The following PSG11 variants were observed in gnomAD, a reference collection of about 807,000 sequenced individuals.
The protein encoded by PSG11 is pregnancy specific beta-1-glycoprotein 11, also known as pregnancy-specific beta-1-glycoprotein 11.
PSG11 carries 42 observed loss-of-function variants against 36.0 expected under a neutral mutation model. The observed-to-expected ratio is 1.17, with a 90% CI of 0.91 to 1.51. The LOEUF is 1.51. Among genes scored for constraint, PSG11 ranks in the 40% most tolerant of loss-of-function variants. PSG11 has a pLI of 0.00. For missense variants in PSG11, 558 were observed against 403.5 expected, an observed-to-expected ratio of 1.38 and a Z score of -3.28; for synonymous variants, 206 against 153.5, an observed-to-expected ratio of 1.34 and a Z score of -2.53.
intron 4 of PSG11, 93 bp downstream of exon 4, chr19:43,015,023 G>T (rs1966922322): frequency 6.2e-7 from 1 of 1,604,438 alleles, no homozygotes; most frequent in South Asian, 1.1e-5. Context: ...ATGGGACACA[G>T]GCTGGGAATA....
chr19:43,021,736 C>T (rs1441920753), intron 2 of PSG11, among the ~76,000 whole-genome samples: 1 of 151,562 alleles, frequency 6.6e-6, no homozygotes, highest in African/African-American at 2.4e-5. Context: ...TCAAGCTTGT[C>T]ATATGCCTGA....
chr19:43,021,086 C>T (rs576378761), intron 2 of PSG11, among the ~76,000 whole-genome samples: 1 of 151,430 alleles, frequency 6.6e-6, no homozygotes, highest in South Asian at 2.1e-4. Flanking sequence ...CCACCTCCAA[C>T]TAGTCCCCAA....
In PSG11 at chr19:43,007,771, ATACTT is replaced by A. The variant is rs1444970917; in HGVS notation, c.*307_*311del. 1.2e-5 allele frequency: 3 copies of A among 256,186 alleles called. No individual in the cohort carries two copies. The highest frequency in any genetic ancestry group is 4.5e-5 in the African/African-American group (2 of 44,626). 15.9% of individuals were successfully genotyped at this position (256,186 alleles called of 1,614,324 possible). ...TGTTTCAATTTTTGTTTACAAAAGTATACTTTACCAATTGCTGAAGAAAAAAATTC... is the reference window on the plus strand; with the variant it reads ...TGTTTCAATTTTTGTTTACAAAAGTATACCAATTGCTGAAGAAAAAAATTC... On this transcript the variant is annotated 3_prime_UTR_variant, in exon 6 of 6. Coordinates refer to ENST00000320078, the MANE Select transcript of PSG11 (RefSeq NM_002785.3).
At chr19:43,019,166 A>G (rs2122813707) in intron 2 of PSG11, 118 bp from the exon 3 acceptor site, 4 of 1,521,918 alleles carry the variant, frequency 2.6e-6, no homozygotes, top group African/African-American at 1.4e-5. Flanking sequence ...CTAAAAGCCC[A>G]TGGCAGGTGT....
intron 2 of PSG11, among the ~76,000 whole-genome samples, chr19:43,023,922 G>C (rs1197913047): frequency 2.0e-5 from 3 of 151,522 alleles, no homozygotes; most frequent in Admixed American, 2.0e-4. Context: ...TTATTAATTT[G>C]CTTCCATGAG....
chr19:43,024,350 C>T (rs1209525664), intron 2 of PSG11: 7 of 390,832 alleles, frequency 1.8e-5, no homozygotes, highest in Non-Finnish European at 2.7e-5. Flanking sequence ...TCAGGGGCCC[C>T]TCAGGTCAAA....
intron 1 of PSG11, 138 bp downstream of exon 1, chr19:43,026,171 G>A (rs181578738): frequency 3.7e-6 from 5 of 1,339,026 alleles, no homozygotes; most frequent in African/African-American, 1.5e-5. Flanking sequence ...TTGAACTCCT[G>A]ATCTCGTGAT....
intron 2 of PSG11, among the ~76,000 whole-genome samples, chr19:43,023,699 A>G (rs951910574): frequency 2.0e-5 from 3 of 151,164 alleles, no homozygotes; most frequent in Non-Finnish European, 2.9e-5. Flanking sequence ...GTGGCTGCAG[A>G]CAGACCTCAT....
chr19:43,025,286 A>T (rs1967216201), intron 1 of PSG11: 2 of 789,502 alleles, frequency 2.5e-6, no homozygotes, highest in Admixed American at 3.2e-5. Flanking sequence ...CATGACCCCC[A>T]TTCCTTCAAC....
At chr19:43,024,664 A>C (rs934441796) in intron 2 of PSG11, 27 bp downstream of exon 2, 2 of 1,609,158 alleles carry the variant, frequency 1.2e-6, no homozygotes, top group African/African-American at 1.3e-5. Context: ...GTCCCCCAAC[A>C]CCCAGGGATC....
rs1485796980 is a variant in PSG11, at chr19:43,022,751, G to A, written c.430+1940C>T. On this transcript the variant is annotated intron_variant, in intron 2 of 5. Coordinates refer to ENST00000320078, the MANE Select transcript of PSG11 (RefSeq NM_002785.3). ...AGCCCTTGATGGGAATACAGTGGAAGCTCATTCTCTTAGTGACCTGGGGAC... is the reference window on the plus strand; with the variant it reads ...AGCCCTTGATGGGAATACAGTGGAAACTCATTCTCTTAGTGACCTGGGGAC... Among the ~76,000 whole-genome samples, 49 of 151,252 alleles carry A rather than the reference G, an allele frequency of 3.2e-4. 1 individual carries two copies. The highest frequency in any genetic ancestry group is 5.9e-4 in the Non-Finnish European group (40 of 67,838).
intron 3 of PSG11, 193 bp downstream of exon 3, chr19:43,018,577 C>G (rs1297625395): frequency 9.0e-6 from 12 of 1,326,454 alleles, no homozygotes; most frequent in South Asian, 2.7e-5. Context: ...ATGACAGGAG[C>G]AGCCTCTTTT....
At chr19:43,021,135 T>C (rs150824984) in intron 2 of PSG11, among the ~76,000 whole-genome samples, 3 of 151,620 alleles carry the variant, frequency 2.0e-5, no homozygotes, top group African/African-American at 7.3e-5. Flanking sequence ...TTACAGCCTT[T>C]GTAGTTGTCC....
At position 43,011,740 on chromosome 19, in the gene PSG11, A is replaced by T. The variant is rs183776958; in HGVS notation, c.965-1699T>A. On this transcript the variant is annotated intron_variant, in intron 4 of 5. Coordinates refer to ENST00000320078, the MANE Select transcript of PSG11 (RefSeq NM_002785.3). ...GTCTCTACAAAAAAATTAAAAAGCCAACTAGCTGCGCATGGTGACATGCAC... is the reference window on the plus strand; with the variant it reads ...GTCTCTACAAAAAAATTAAAAAGCCTACTAGCTGCGCATGGTGACATGCAC... Among the ~76,000 whole-genome samples, 442 of 150,870 alleles carry T rather than the reference A, an allele frequency of 2.9e-3. 10 individuals carry two copies. Among genetic ancestry groups the T allele is most frequent in the Middle Eastern group, 3.4e-3 (1 of 292 alleles).
intron 4 of PSG11, among the ~76,000 whole-genome samples, chr19:43,011,903 TAAA>T (rs398121010): frequency 7.3e-6 from 1 of 136,478 alleles, no homozygotes. Context: ...CTCTCTCTCT[TAAA>T]AAAAAAAAAA....
chr19:43,012,850 G>A (rs931357715), intron 4 of PSG11, among the ~76,000 whole-genome samples: 1 of 151,418 alleles, frequency 6.6e-6, no homozygotes, highest in Admixed American at 6.6e-5. Context: ...GAAGAATGAA[G>A]CTGGAGGACT....
intron 3 of PSG11, 130 bp downstream of exon 3, chr19:43,018,640 T>C (rs1967025003): frequency 4.4e-6 from 7 of 1,588,606 alleles, no homozygotes; most frequent in South Asian, 1.1e-5. Flanking sequence ...GGGCAGAAAG[T>C]CATGGCCAGC....
chr19:43,009,129 G>A (rs1365692138), intron 5 of PSG11, among the ~76,000 whole-genome samples: 16 of 151,340 alleles, frequency 1.1e-4, no homozygotes, highest in African/African-American at 2.4e-4. Context: ...CTCCTGGGGT[G>A]GGGCCCTTGC....
At chr19:43,016,144 C>T (rs1404245465) in intron 3 of PSG11, 11 of 1,496,080 alleles carry the variant, frequency 7.4e-6, no homozygotes, top group African/African-American at 5.7e-5. Flanking sequence ...TCTCAGCCCA[C>T]CCGAGTCCTT....
Sources: gnomAD v4.1 joint callset for allele counts (sites outside exome capture counted in the v4.1 genomes callset) on GRCh38, gnomAD v4.1.1 for gene constraint, MANE v1.5 for transcripts, NCBI Gene and HGNC (gene_info 2026-07-23, HGNC 2026-07-21) for gene names.